The following FAM13B variants were observed in gnomAD, a reference collection of about 807,000 sequenced individuals.
FAM13B encodes family with sequence similarity 13 member B, also known as protein FAM13B.
A neutral mutation model predicts 117.3 loss-of-function variants in FAM13B; 60 were observed. The observed-to-expected ratio is 0.51, with a 90% CI of 0.42 to 0.63. The LOEUF is 0.63. Ranked by LOEUF, FAM13B falls within the 30% of genes least tolerant of loss-of-function variation. The probability of loss-of-function intolerance (pLI) is 0.00; values close to 1 mark genes in which losing one functional copy is unlikely to be tolerated. For missense variants in FAM13B, 972 were observed against 1,091.9 expected (o/e 0.89, Z 1.55); for synonymous variants, 332 against 356.1 (o/e 0.93, Z 0.76).
chr5:138,042,577 C>T (rs2151128138), intron 1 of FAM13B, among the ~76,000 whole-genome samples: 1 of 150,910 alleles, frequency 6.6e-6, no homozygotes, highest in South Asian at 2.1e-4. Context: ...AACAGTGTTT[C>T]CCAAAAAAAG....
At chr5:137,984,963 G>T (rs7737549) in intron 10 of FAM13B, among the ~76,000 whole-genome samples, 1 of 151,660 alleles carries the variant, frequency 6.6e-6, no homozygotes, top group Admixed American at 6.6e-5. Context: ...TAGAGATGGG[G>T]GTTCACCATG....
At chr5:137,957,655 C>T (rs1766971369) in intron 13 of FAM13B, among the ~76,000 whole-genome samples, 1 of 151,892 alleles carries the variant, frequency 6.6e-6, no homozygotes, top group South Asian at 2.1e-4. Context: ...CTACAAAGCA[C>T]ATGCACAGTT....
intron 7 of FAM13B, among the ~76,000 whole-genome samples, chr5:138,000,944 A>AAC (rs1561514269): frequency 2.0e-4 from 13 of 65,990 alleles, no homozygotes; most frequent in South Asian, 4.2e-4. Context: ...AACAAAAAAC[A>AAC]AAAAAAAAAA....
At chr5:138,050,504 A>G (rs937913450) in intron 1 of FAM13B, among the ~76,000 whole-genome samples, 2 of 152,324 alleles carry the variant, frequency 1.3e-5, no homozygotes, top group African/African-American at 4.8e-5. Context: ...AAAGGAAGCA[A>G]AGAGGCAGAA....
At chr5:137,989,996 T>C (rs1221250108) in intron 7 of FAM13B, among the ~76,000 whole-genome samples, 1 of 152,166 alleles carries the variant, frequency 6.6e-6, no homozygotes. Context: ...TTGATTTCTG[T>C]AGAAAAAAAA....
rs145978180 is a variant in FAM13B, at chr5:138,044,911, C to T, written c.-203+6967G>A. Among the ~76,000 whole-genome samples, 969 of 152,228 alleles carry T rather than the reference C, an allele frequency of 6.4e-3. 29 individuals are homozygous for T. The highest frequency in any genetic ancestry group is 0.044 in the Admixed American group (676 of 15,292). On this transcript the variant is annotated intron_variant, in intron 1 of 3. Transcript: ENST00000502471. Reference sequence around the variant, plus strand: ...TCAACCACATTAGTAATCAGGGAAACGCAAACTAAAAAATACAACTTTACA... The same window carrying T: ...TCAACCACATTAGTAATCAGGGAAATGCAAACTAAAAAATACAACTTTACA...
At chr5:137,952,412 GAC>G (rs1366496204) in intron 17 of FAM13B, among the ~76,000 whole-genome samples, 1 of 151,844 alleles carries the variant, frequency 6.6e-6, no homozygotes. Context: ...ACACAAAAAA[GAC>G]ATTTAAAATA....
At position 137,948,941 on chromosome 5, in the gene FAM13B, T is replaced by C. The variant is rs764282304; in HGVS notation, c.2160+14A>G. 3 of 1,601,774 alleles carry C rather than the reference T, an allele frequency of 1.9e-6. No individual in the cohort carries two copies. The highest frequency in any genetic ancestry group is 1.7e-6 in the Non-Finnish European group (2 of 1,170,568). ...TAAAGGCTAATCTGGGCAAAAATCA[T>C]AGCTCAAGATTACCTTGATATCTTC... On this transcript the variant is annotated intron_variant, in intron 18 of 23. Coordinates refer to ENST00000689681, the MANE Select transcript of FAM13B (RefSeq NM_001385994.1).
intron 10 of FAM13B, among the ~76,000 whole-genome samples, chr5:137,984,754 TTAAAA>T (rs1776718251): frequency 6.6e-6 from 1 of 150,400 alleles, no homozygotes; most frequent in Non-Finnish European, 1.5e-5. Context: ...GGAAAATAAT[TTAAAA>T]TAAGTTGTTT....
intron 10 of FAM13B, among the ~76,000 whole-genome samples, chr5:137,984,942 TG>T (rs1776798960): frequency 6.6e-6 from 1 of 151,766 alleles, no homozygotes. Flanking sequence ...CTAATTTTTT[TG>T]TATTTTTAGT....
At chr5:137,947,638 A>G (rs1763808768) in intron 18 of FAM13B, among the ~76,000 whole-genome samples, 1 of 151,900 alleles carries the variant, frequency 6.6e-6, no homozygotes, top group South Asian at 2.1e-4. Flanking sequence ...CTTGAGTGCA[A>G]TGGTGCAATC....
intron 10 of FAM13B, among the ~76,000 whole-genome samples, chr5:137,963,200 CT>C (rs1768673438): frequency 2.6e-5 from 4 of 152,180 alleles, no homozygotes; most frequent in Non-Finnish European, 5.9e-5. Context: ...TGTTAAAATA[CT>C]AGTCCCTTTT....
intron 5 of FAM13B, 25 bp from the exon 6 acceptor site, chr5:138,011,174 T>C: frequency 3.2e-6 from 5 of 1,582,296 alleles, no homozygotes; most frequent in East Asian, 4.6e-5. Context: ...CCAAATTGAA[T>C]TGAGAGTTCT....
intron 10 of FAM13B, among the ~76,000 whole-genome samples, chr5:137,970,198 G>C (rs1771636630): frequency 6.6e-6 from 1 of 151,602 alleles, no homozygotes; most frequent in South Asian, 2.1e-4. Context: ...AAATGTTAAG[G>C]GCAGCCAGAG....
At chr5:137,953,862 G>A (rs552155293) in intron 15 of FAM13B, among the ~76,000 whole-genome samples, 11 of 152,058 alleles carry the variant, frequency 7.2e-5, no homozygotes, top group Non-Finnish European at 1.5e-4. Context: ...GTATTTCAGC[G>A]ATGAATACAT....
chr5:137,978,766 T>C (rs926085147), intron 10 of FAM13B, among the ~76,000 whole-genome samples: 5 of 152,198 alleles, frequency 3.3e-5, no homozygotes, highest in African/African-American at 1.2e-4. Flanking sequence ...GTTTATTCTA[T>C]TCAAGTCACT....
chr5:137,954,432 A>G, intron 14 of FAM13B, 56 bp from the exon 15 acceptor site: 1 of 1,408,848 alleles, frequency 7.1e-7, no homozygotes, highest in Admixed American at 2.0e-5. Context: ...ACGTGGGAAA[A>G]AAGTCACAAA....
intron 20 of FAM13B, among the ~76,000 whole-genome samples, chr5:137,944,085 T>C (rs1352105614): frequency 6.6e-6 from 1 of 152,220 alleles, no homozygotes; most frequent in Non-Finnish European, 1.5e-5. Context: ...TGGTCTTGCC[T>C]ATTCTAAATA....
chr5:137,948,401 CTTTA>C (rs144781317), intron 18 of FAM13B, among the ~76,000 whole-genome samples: 2,100 of 151,822 alleles, frequency 0.014, 38 homozygotes, highest in African/African-American at 0.046. Flanking sequence ...CTGTTTCATG[CTTTA>C]TTTATTTATT....
Sources: allele counts gnomAD v4.1 joint callset (sites outside exome capture counted in the v4.1 genomes callset), GRCh38; gene constraint gnomAD v4.1.1; transcripts MANE v1.5; gene names NCBI Gene and HGNC (gene_info 2026-07-23, HGNC 2026-07-21).